The following SNX29 variants were observed in gnomAD, a reference collection of about 807,000 sequenced individuals.
SNX29 encodes the protein sorting nexin 29, also known as sorting nexin-29.
Under a neutral mutation model 102.1 loss-of-function variants are expected in SNX29, and 78 were observed. That is an observed-to-expected ratio of 0.76 (90% CI 0.64 to 0.92). SNX29 has a LOEUF of 0.92. Among genes scored for constraint, SNX29 ranks in the 40% least tolerant of loss-of-function variants. SNX29 has a pLI of 0.00. For missense variants in SNX29, 1,280 were observed against 1,061.7 expected, an observed-to-expected ratio of 1.21 and a Z score of -2.86; for synonymous variants, 580 against 414.5, an observed-to-expected ratio of 1.40 and a Z score of -4.85.
intron 16 of SNX29, among the ~76,000 whole-genome samples, chr16:12,384,645 A>T (rs2083285566): frequency 6.6e-6 from 1 of 152,104 alleles, no homozygotes; most frequent in Admixed American, 6.6e-5. Context: ...TAGTTTGCAG[A>T]TATTTTCTCC....
chr16:12,159,802 A>G (rs1197924136), intron 13 of SNX29, among the ~76,000 whole-genome samples: 1 of 152,190 alleles, frequency 6.6e-6, no homozygotes, highest in Non-Finnish European at 1.5e-5. Flanking sequence ...GGCCTTGGTG[A>G]ACACTTAAGA....
At chr16:12,233,692 G>A (rs566461489) in intron 14 of SNX29, among the ~76,000 whole-genome samples, 2 of 151,986 alleles carry the variant, frequency 1.3e-5, no homozygotes, top group African/African-American at 4.8e-5. Flanking sequence ...TATATTCATA[G>A]AGTTGTGCAT....
chr16:12,547,437 G>C (rs981499622), intron 20 of SNX29, among the ~76,000 whole-genome samples: 12 of 152,166 alleles, frequency 7.9e-5, no homozygotes, highest in Non-Finnish European at 1.3e-4. Flanking sequence ...CCCGGGGAGA[G>C]GGGATGGTGC....
intron 19 of SNX29, among the ~76,000 whole-genome samples, chr16:12,510,268 C>T (rs371293258): frequency 2.6e-5 from 4 of 152,138 alleles, no homozygotes; most frequent in Admixed American, 6.5e-5. Flanking sequence ...GGTAGTTTTA[C>T]TGAGGGGTGT....
chr16:12,167,975 G>A (rs1256000068), intron 13 of SNX29, among the ~76,000 whole-genome samples: 1 of 152,212 alleles, frequency 6.6e-6, no homozygotes, highest in Non-Finnish European at 1.5e-5. Flanking sequence ...CTGGCACCCT[G>A]TTCTGGAACC....
At chr16:12,182,188 A>C (rs1596451141) in intron 13 of SNX29, among the ~76,000 whole-genome samples, 1 of 78,794 alleles carries the variant, frequency 1.3e-5, no homozygotes. Context: ...TGCCCGGCCT[A>C]GTTTTTTTTT....
intron 10 of SNX29, among the ~76,000 whole-genome samples, chr16:12,075,147 G>A (rs2051489526): frequency 6.6e-6 from 1 of 152,178 alleles, no homozygotes; most frequent in Non-Finnish European, 1.5e-5. Context: ...ATCATCTGAA[G>A]CCTTCTTCTC....
At chr16:12,072,548 T>C (rs1408491938) in intron 10 of SNX29, among the ~76,000 whole-genome samples, 2 of 152,186 alleles carry the variant, frequency 1.3e-5, no homozygotes, top group Non-Finnish European at 2.9e-5. Flanking sequence ...AGCTTTTTGA[T>C]GTGCTGCTGG....
chr16:12,119,747 C>A (rs956555840), intron 11 of SNX29, among the ~76,000 whole-genome samples: 4 of 152,200 alleles, frequency 2.6e-5, no homozygotes, highest in Non-Finnish European at 5.9e-5. Context: ...GCAAGCTGGA[C>A]CAGGTGTGGG....
rs552511236 is a variant in SNX29 at position 12,149,500 on chromosome 16, A to G, written c.1595+19742A>G. On this transcript the variant is annotated intron_variant, in intron 13 of 20. Transcript: ENST00000566228. ...TTGTTACCCGGGGTCATGAGGGAGTATATGCTCTGTTCTGTAGTCGTCAGT... is the reference window on the plus strand; with the variant it reads ...TTGTTACCCGGGGTCATGAGGGAGTGTATGCTCTGTTCTGTAGTCGTCAGT... 7.9e-4 allele frequency among the ~76,000 whole-genome samples: 120 copies of G among 152,300 alleles called. 5 individuals are homozygous for G. Among genetic ancestry groups the G allele is most frequent in the African/African-American group, 8.9e-4 (37 of 41,558 alleles).
chr16:12,176,201 G>A (rs2076256375), intron 13 of SNX29, among the ~76,000 whole-genome samples: 1 of 152,212 alleles, frequency 6.6e-6, no homozygotes, highest in Non-Finnish European at 1.5e-5. Flanking sequence ...ATACATTTCT[G>A]TGGTTTCAAC....
chr16:11,995,091 A>C (rs2053099264), intron 1 of SNX29, among the ~76,000 whole-genome samples: 2 of 151,738 alleles, frequency 1.3e-5, no homozygotes, highest in African/African-American at 4.8e-5. Context: ...TTTTTGAGAC[A>C]CTCTCACTCT....
intron 18 of SNX29, among the ~76,000 whole-genome samples, chr16:12,409,341 A>T (rs766572639): frequency 6.6e-6 from 1 of 151,946 alleles, no homozygotes; most frequent in Non-Finnish European, 1.5e-5. Context: ...GTTGTTAATT[A>T]ATTTCTAGTT....
chr16:12,569,519 A>T lies in SNX29; in HGVS notation c.*890A>T, dbSNP rs193162748. 110 of 231,834 alleles carry T rather than the reference A, an allele frequency of 4.7e-4. 1 individual carries two copies. Among genetic ancestry groups the T allele is most frequent in the African/African-American group, 2.2e-3 (98 of 45,386 alleles). 14.4% of individuals were successfully genotyped at this position (231,834 alleles called of 1,614,324 possible). A position where few individuals can be genotyped will look rare whatever the true frequency, so the allele number is the denominator to read the frequency against. The stretch of plus-strand genomic sequence containing the variant: ...CAGGGTTTTCAAACCAGGCTCCATG[A>T]CTATGAAGTTGGACCCAGTGTGGAC... On this transcript the variant is annotated 3_prime_UTR_variant, in exon 21 of 21. Transcript: ENST00000566228.
At chr16:12,298,627 T>C (rs1354324919) in intron 15 of SNX29, among the ~76,000 whole-genome samples, 1 of 152,224 alleles carries the variant, frequency 6.6e-6, no homozygotes, top group Non-Finnish European at 1.5e-5. Context: ...TGTGTGTTTT[T>C]AGATTTTCCT....
intron 20 of SNX29, among the ~76,000 whole-genome samples, chr16:12,542,037 A>G (rs558334417): frequency 1.3e-5 from 2 of 152,022 alleles, no homozygotes; most frequent in Admixed American, 6.5e-5. Flanking sequence ...TTCTTTTTTT[A>G]ATTAGTTTGG....
intron 20 of SNX29, among the ~76,000 whole-genome samples, chr16:12,568,113 G>A (rs2079089477): frequency 1.3e-5 from 2 of 152,114 alleles, no homozygotes; most frequent in African/African-American, 2.4e-5. Flanking sequence ...CATCTTGTGT[G>A]GCTTTATGTA....
chr16:12,036,583 C>T (rs1214430358), intron 4 of SNX29, among the ~76,000 whole-genome samples: 1 of 152,254 alleles, frequency 6.6e-6, no homozygotes, highest in African/African-American at 2.4e-5. Flanking sequence ...ATCCACCTGC[C>T]TCGGCCTCCC....
intron 1 of SNX29, among the ~76,000 whole-genome samples, chr16:11,984,853 G>C (rs1015524773): frequency 6.6e-6 from 1 of 152,098 alleles, no homozygotes; most frequent in African/African-American, 2.4e-5. Flanking sequence ...CAGGGTCTCA[G>C]TATATTGCCC....
Sources: gnomAD v4.1 joint callset for allele counts (sites outside exome capture counted in the v4.1 genomes callset) on GRCh38, gnomAD v4.1.1 for gene constraint, MANE v1.5 for transcripts, NCBI Gene and HGNC (gene_info 2026-07-23, HGNC 2026-07-21) for gene names.